Variants in MCTP2 observed in about 807,000 individuals in gnomAD.
MCTP2 encodes the protein multiple C2 and transmembrane domain containing 2.
Under a neutral mutation model 111.6 loss-of-function variants are expected in MCTP2, and 132 were observed. That is an observed-to-expected ratio of 1.18 (90% CI 1.03 to 1.37). The LOEUF (loss-of-function observed/expected upper bound fraction) is 1.37. MCTP2 is among the 40% of genes most tolerant of loss of function. The pLI, the probability that MCTP2 is intolerant of heterozygous loss-of-function variation, is 0.00. For missense variants in MCTP2, 1,183 were observed against 1,067.9 expected, an observed-to-expected ratio of 1.11 and a Z score of -1.50; for synonymous variants, 395 against 387.7, an observed-to-expected ratio of 1.02 and a Z score of -0.22.
intron 14 of MCTP2, among the ~76,000 whole-genome samples, chr15:94,388,919 A>G (rs66958225): frequency 0.18 from 26,640 of 152,190 alleles, 2,461 homozygotes; most frequent in Middle Eastern, 0.21. Flanking sequence ...TATCATCTCC[A>G]AAGCAAGAAT....
intron 10 of MCTP2, among the ~76,000 whole-genome samples, chr15:94,362,226 G>A (rs12909913): frequency 0.12 from 18,069 of 152,078 alleles, 1,233 homozygotes; most frequent in African/African-American, 0.13. Context: ...AAGTTTAACC[G>A]GCTCCAACTT....
chr15:94,416,597 A>G (rs1365011381), intron 17 of MCTP2, among the ~76,000 whole-genome samples: 1 of 152,168 alleles, frequency 6.6e-6, no homozygotes, highest in Non-Finnish European at 1.5e-5. Context: ...AATCTGGCCC[A>G]CATGAAGAAC....
chr15:94,236,093 A>G (rs778161285), intron 1 of MCTP2, among the ~76,000 whole-genome samples: 26 of 152,178 alleles, frequency 1.7e-4, no homozygotes, highest in South Asian at 8.3e-4. Context: ...CCATAGCGTC[A>G]TGATTAAGGG....
chr15:94,310,070 T>C (rs960687090), intron 2 of MCTP2, among the ~76,000 whole-genome samples: 1 of 152,210 alleles, frequency 6.6e-6, no homozygotes, highest in Non-Finnish European at 1.5e-5. Context: ...TTTGAAATGT[T>C]AAAATGATGC....
intron 2 of MCTP2, among the ~76,000 whole-genome samples, chr15:94,307,194 C>G (rs983100885): frequency 1.3e-5 from 2 of 152,058 alleles, no homozygotes; most frequent in African/African-American, 4.8e-5. Context: ...CATGGAGTTT[C>G]CACTAGGAAA....
intron 1 of MCTP2, among the ~76,000 whole-genome samples, chr15:94,259,128 C>T (rs1422159089): frequency 2.6e-5 from 4 of 152,146 alleles, no homozygotes; most frequent in Admixed American, 2.0e-4. Flanking sequence ...ACTCTGGGGA[C>T]CCCCTTCACC....
At chr15:94,265,565 G>C (rs1283262379) in intron 1 of MCTP2, among the ~76,000 whole-genome samples, 1 of 152,146 alleles carries the variant, frequency 6.6e-6, no homozygotes, top group Non-Finnish European at 1.5e-5. Flanking sequence ...ATATTAAATA[G>C]CTTATATAAG....
At chr15:94,307,626 C>T (rs2075947961) in intron 2 of MCTP2, among the ~76,000 whole-genome samples, 1 of 152,208 alleles carries the variant, frequency 6.6e-6, no homozygotes, top group African/African-American at 2.4e-5. Flanking sequence ...GCCCCATGGG[C>T]TCAATGCTGC....
intron 1 of MCTP2, among the ~76,000 whole-genome samples, chr15:94,251,363 GTT>G (rs11337830): frequency 4.1e-5 from 6 of 146,252 alleles, no homozygotes; most frequent in Non-Finnish European, 4.6e-5. Flanking sequence ...TACGCATTTT[GTT>G]TTTTTTTTTT....
chr15:94,386,769 CTTTT>C (rs1006678082), intron 14 of MCTP2, among the ~76,000 whole-genome samples: 1 of 152,006 alleles, frequency 6.6e-6, no homozygotes, highest in African/African-American at 2.4e-5. Flanking sequence ...TCTCATTTCA[CTTTT>C]TTTATTCCTT....
chr15:94,393,003 C>T (rs2081080748), intron 14 of MCTP2, among the ~76,000 whole-genome samples: 1 of 151,934 alleles, frequency 6.6e-6, no homozygotes, highest in Admixed American at 6.6e-5. Context: ...CCGTTTTGAG[C>T]AATACAAAAT....
intron 1 of MCTP2, among the ~76,000 whole-genome samples, chr15:94,255,725 C>T (rs2072721629): frequency 6.6e-6 from 1 of 152,124 alleles, no homozygotes; most frequent in Admixed American, 6.5e-5. Flanking sequence ...GAGTGCTATT[C>T]TGAAGCCGAG....
chr15:94,257,569 G>GTTGTT (rs2072878432), intron 1 of MCTP2, among the ~76,000 whole-genome samples: 2 of 33,822 alleles, frequency 5.9e-5, no homozygotes, highest in Non-Finnish European at 1.1e-4. Context: ...TTTCTTTGTT[G>GTTGTT]TTTTTTTTTT....
intron 9 of MCTP2, among the ~76,000 whole-genome samples, chr15:94,357,838 A>C (rs1296910184): frequency 6.6e-6 from 1 of 152,188 alleles, no homozygotes; most frequent in Non-Finnish European, 1.5e-5. Context: ...CAATAAACCA[A>C]ACGTAGAAGC....
At chr15:94,451,437 A>C (rs915351841) in intron 19 of MCTP2, among the ~76,000 whole-genome samples, 38 of 152,212 alleles carry the variant, frequency 2.5e-4, no homozygotes, top group African/African-American at 8.9e-4. Flanking sequence ...TTGTAACGAG[A>C]AGTGATATCC....
intron 4 of MCTP2, among the ~76,000 whole-genome samples, chr15:94,335,914 C>T (rs1329466436): frequency 3.3e-5 from 5 of 151,946 alleles, no homozygotes; most frequent in South Asian, 2.1e-4. Flanking sequence ...AATGAGAATC[C>T]GCGAAGAGTA....
At chr15:94,422,012 G>C (rs1292053593) in intron 17 of MCTP2, among the ~76,000 whole-genome samples, 1 of 152,180 alleles carries the variant, frequency 6.6e-6, no homozygotes, top group Non-Finnish European at 1.5e-5. Flanking sequence ...TTTGGGAAAA[G>C]GGAAGAGGTT....
At chr15:94,402,258 C>G (rs2081635755) in intron 17 of MCTP2, 7 of 972,738 alleles carry the variant, frequency 7.2e-6, no homozygotes, top group Non-Finnish European at 7.3e-6. Context: ...GTTGTTGTTA[C>G]AGCTACATTT....
intron 1 of MCTP2, among the ~76,000 whole-genome samples, chr15:94,275,843 C>CA (rs1287264644): frequency 7.3e-6 from 1 of 136,758 alleles, no homozygotes. Flanking sequence ...GTTTTATAAG[C>CA]ATTTTTTTTT....
Sources: allele counts gnomAD v4.1 joint callset (sites outside exome capture counted in the v4.1 genomes callset), GRCh38; gene constraint gnomAD v4.1.1; transcripts MANE v1.5; gene names NCBI Gene and HGNC (gene_info 2026-07-23, HGNC 2026-07-21).